GRIK1: variants seen among roughly 807,000 people sequenced by gnomAD.
GRIK1 encodes glutamate ionotropic receptor kainate type subunit 1.
A neutral mutation model predicts 105.7 loss-of-function variants in GRIK1; 69 were observed. That is an observed-to-expected ratio of 0.65 (90% CI 0.54 to 0.80). GRIK1 has a LOEUF of 0.80. Among genes scored for constraint, GRIK1 ranks in the 30% least tolerant of loss-of-function variants. The pLI, the probability that GRIK1 is intolerant of heterozygous loss-of-function variation, is 0.00. For synonymous variants in GRIK1, 438 were observed against 431.3 expected (o/e 1.02, Z -0.19); for missense variants, 1,109 against 1,167.3 (o/e 0.95, Z 0.73).
chr21:29,788,159 T>C (rs774781185), intron 1 of GRIK1, among the ~76,000 whole-genome samples: 7 of 152,306 alleles, frequency 4.6e-5, no homozygotes, highest in South Asian at 2.1e-4. Context: ...CGGTGAAAGA[T>C]GACAAAACAA....
intron 1 of GRIK1, among the ~76,000 whole-genome samples, chr21:29,899,795 T>C (rs2070324851): frequency 6.6e-6 from 1 of 152,106 alleles, no homozygotes; most frequent in African/African-American, 2.4e-5. Context: ...GCAGATGGAC[T>C]TACTCAGTTG....
intron 1 of GRIK1, among the ~76,000 whole-genome samples, chr21:29,759,575 T>A (rs2065455806): frequency 6.6e-6 from 1 of 152,206 alleles, no homozygotes; most frequent in Admixed American, 6.5e-5. Context: ...TATCAGCAGA[T>A]AAACTTGACA....
chr21:29,923,012 T>C (rs181823445), intron 1 of GRIK1, among the ~76,000 whole-genome samples: 5 of 152,312 alleles, frequency 3.3e-5, no homozygotes, highest in African/African-American at 9.6e-5. Flanking sequence ...GTGTACTGAT[T>C]TACACAATTC....
chr21:29,926,460 G>A (rs1016349427), intron 1 of GRIK1, among the ~76,000 whole-genome samples: 2 of 152,160 alleles, frequency 1.3e-5, no homozygotes, highest in Non-Finnish European at 2.9e-5. Context: ...CAAGAAAACA[G>A]CACTGAGAAG....
At chr21:29,694,590 G>A (rs1568984374) in intron 1 of GRIK1, among the ~76,000 whole-genome samples, 1 of 152,134 alleles carries the variant, frequency 6.6e-6, no homozygotes, top group Non-Finnish European at 1.5e-5. Context: ...ATCCAGTGTT[G>A]GACTGTATAC....
intron 7 of GRIK1, among the ~76,000 whole-genome samples, chr21:29,620,796 T>TATATAG (rs2061975232): frequency 8.9e-6 from 1 of 112,396 alleles, no homozygotes; most frequent in African/African-American, 4.9e-5. Flanking sequence ...TATATATCTA[T>TATATAG]ATATATATAG....
At chr21:29,904,271 T>C (rs2070522587) in intron 1 of GRIK1, among the ~76,000 whole-genome samples, 1 of 151,424 alleles carries the variant, frequency 6.6e-6, no homozygotes, top group Non-Finnish European at 1.5e-5. Context: ...TAAAGTATAA[T>C]AATCATTAAA....
chr21:29,583,469 G>A (rs926314211), intron 12 of GRIK1, among the ~76,000 whole-genome samples: 13 of 152,070 alleles, frequency 8.5e-5, no homozygotes, highest in African/African-American at 2.9e-4. Context: ...CAAACAGACC[G>A]TAAGACTTGG....
intron 7 of GRIK1, among the ~76,000 whole-genome samples, chr21:29,642,283 AC>A (rs1419856120): frequency 6.6e-6 from 1 of 152,286 alleles, no homozygotes; most frequent in Non-Finnish European, 1.5e-5. Context: ...CCCTGCAAAT[AC>A]CCCATACTCT....
intron 7 of GRIK1, among the ~76,000 whole-genome samples, chr21:29,613,517 C>T (rs2061774843): frequency 6.6e-6 from 1 of 152,142 alleles, no homozygotes; most frequent in African/African-American, 2.4e-5. Flanking sequence ...CCAATCCCAC[C>T]AGACAACTTC....
chr21:29,910,325 C>T (rs1366356552), intron 1 of GRIK1, among the ~76,000 whole-genome samples: 11 of 152,092 alleles, frequency 7.2e-5, no homozygotes. Flanking sequence ...TGTCTAAACA[C>T]GTGGGGATCC....
intron 1 of GRIK1, among the ~76,000 whole-genome samples, chr21:29,891,068 TTGAATGTTCA>T (rs1252004831): frequency 6.6e-6 from 1 of 152,198 alleles, no homozygotes; most frequent in Non-Finnish European, 1.5e-5. Context: ...CAAAACTTAA[TTGAATGTTCA>T]TGCCTCAGTG....
intron 1 of GRIK1, among the ~76,000 whole-genome samples, chr21:29,703,634 A>G (rs1480627294): frequency 6.6e-6 from 1 of 152,212 alleles, no homozygotes; most frequent in Admixed American, 6.5e-5. Flanking sequence ...TTCTTGGTAA[A>G]GATCCCATGC....
chr21:29,567,305 T>C (rs1362793540), intron 14 of GRIK1, among the ~76,000 whole-genome samples: 1 of 152,204 alleles, frequency 6.6e-6, no homozygotes, highest in Non-Finnish European at 1.5e-5. Flanking sequence ...TTTTATAAAA[T>C]ATCCCTCTAA....
At chr21:29,704,415 T>C (rs1425136407) in intron 1 of GRIK1, among the ~76,000 whole-genome samples, 1 of 152,210 alleles carries the variant, frequency 6.6e-6, no homozygotes, top group Admixed American at 6.5e-5. Flanking sequence ...CCATAAAATC[T>C]ACTACATATT....
intron 1 of GRIK1, among the ~76,000 whole-genome samples, chr21:29,755,790 CGTCTTGG>C (rs2065322386): frequency 6.6e-6 from 1 of 151,890 alleles, no homozygotes; most frequent in Admixed American, 6.6e-5. Context: ...GTAGGGACAA[CGTCTTGG>C]TCTTCTGGTC....
chr21:29,711,713 G>A (rs1183175846), intron 1 of GRIK1, among the ~76,000 whole-genome samples: 2 of 151,748 alleles, frequency 1.3e-5, no homozygotes, highest in Non-Finnish European at 2.9e-5. Context: ...ATGTAACTCT[G>A]GCTTATTTCA....
chr21:29,560,116 G>C (rs1030256510), intron 15 of GRIK1, among the ~76,000 whole-genome samples: 1 of 152,044 alleles, frequency 6.6e-6, no homozygotes, highest in African/African-American at 2.4e-5. Flanking sequence ...AACCTACCTG[G>C]GGTCCTTAAC....
intron 1 of GRIK1, among the ~76,000 whole-genome samples, chr21:29,750,408 C>T (rs2065162864): frequency 6.6e-6 from 1 of 152,170 alleles, no homozygotes; most frequent in Non-Finnish European, 1.5e-5. Context: ...AGCCAGAGCT[C>T]TGGGTCAACA....
Sources: allele counts gnomAD v4.1 joint callset (sites outside exome capture counted in the v4.1 genomes callset), GRCh38; gene constraint gnomAD v4.1.1; transcripts MANE v1.5; gene names NCBI Gene and HGNC (gene_info 2026-07-23, HGNC 2026-07-21).